P3H2: variants seen among roughly 807,000 people sequenced by gnomAD.
P3H2 encodes prolyl 3-hydroxylase 2.
P3H2 carries 80 observed loss-of-function variants against 87.0 expected under a neutral mutation model. That is an observed-to-expected ratio of 0.92 (90% CI 0.77 to 1.11). P3H2 has a LOEUF of 1.11. P3H2 is among the 50% of genes least tolerant of loss of function. The pLI is 0.00. For synonymous variants in P3H2, 367 were observed against 359.3 expected (o/e 1.02, Z -0.24); for missense variants, 1,001 against 923.9 (o/e 1.08, Z -1.08).
At chr3:190,015,894 CA>C (rs1724737065) in intron 1 of P3H2, among the ~76,000 whole-genome samples, 1 of 152,180 alleles carries the variant, frequency 6.6e-6, no homozygotes, top group East Asian at 1.9e-4. Context: ...AGTTAGGGGA[CA>C]TTTGGGTGGA....
intron 1 of P3H2, among the ~76,000 whole-genome samples, chr3:190,045,946 C>T (rs1230510391): frequency 6.6e-6 from 1 of 151,898 alleles, no homozygotes; most frequent in South Asian, 2.1e-4. Flanking sequence ...ATGGTGAAAC[C>T]CCGTCTCTAA....
At chr3:190,005,835 G>A (rs1577268041) in intron 1 of P3H2, among the ~76,000 whole-genome samples, 1 of 152,188 alleles carries the variant, frequency 6.6e-6, no homozygotes, top group African/African-American at 2.4e-5. Context: ...CTGCAGGTAT[G>A]TCACCCATCA....
chr3:190,007,963 C>CATATATATATATATATATATATATAT (rs1385863469), intron 1 of P3H2, among the ~76,000 whole-genome samples: 2 of 19,936 alleles, frequency 1.0e-4, no homozygotes, highest in African/African-American at 4.2e-4. Context: ...TTTGTTGACA[C>CATATATATATATATATATATATATAT]ACATATATAT....
intron 12 of P3H2, among the ~76,000 whole-genome samples, chr3:189,971,250 T>C (rs988987822): frequency 1.3e-5 from 2 of 152,208 alleles, no homozygotes; most frequent in African/African-American, 4.8e-5. Flanking sequence ...AGGATTTTTG[T>C]TTGTTTGTTT....
intron 1 of P3H2, among the ~76,000 whole-genome samples, chr3:190,077,171 T>G (rs1336762474): frequency 2.0e-5 from 3 of 152,208 alleles, no homozygotes; most frequent in African/African-American, 7.2e-5. Context: ...AAACACAAAT[T>G]CCAGCCCAGT....
intron 1 of P3H2, among the ~76,000 whole-genome samples, chr3:190,017,548 G>T (rs143845463): frequency 6.6e-6 from 1 of 152,150 alleles, no homozygotes; most frequent in Non-Finnish European, 1.5e-5. Flanking sequence ...AATGGGAAAT[G>T]GATTTTAGCA....
chr3:190,008,756 C>G (rs1724473114), intron 1 of P3H2, among the ~76,000 whole-genome samples: 1 of 152,140 alleles, frequency 6.6e-6, no homozygotes, highest in Non-Finnish European at 1.5e-5. Flanking sequence ...TTTACTTCAT[C>G]TTTCCATTCC....
chr3:190,048,844 G>A (rs115796656), intron 1 of P3H2, among the ~76,000 whole-genome samples: 9,141 of 152,184 alleles, frequency 0.06, 444 homozygotes, highest in Admixed American at 0.14. Context: ...ACAGAGACAG[G>A]AAAGGGACTC....
intron 1 of P3H2, among the ~76,000 whole-genome samples, chr3:190,017,028 GA>G (rs1724777198): frequency 1.3e-5 from 2 of 152,204 alleles, no homozygotes; most frequent in Non-Finnish European, 2.9e-5. Context: ...GTTCTTCTAT[GA>G]ATGTTTTTAT....
intron 1 of P3H2, among the ~76,000 whole-genome samples, chr3:190,067,526 A>G (rs1447023184): frequency 1.3e-5 from 2 of 152,120 alleles, no homozygotes; most frequent in East Asian, 1.9e-4. Flanking sequence ...ATTCTATGTT[A>G]TCTCAATTTC....
chr3:189,992,538 T>C (rs1231931190), intron 3 of P3H2, among the ~76,000 whole-genome samples: 1 of 152,230 alleles, frequency 6.6e-6, no homozygotes, highest in Non-Finnish European at 1.5e-5. Context: ...GTGCTCAAAA[T>C]ATTTGTGAAA....
chr3:190,106,405 T>C (rs1249730044), intron 1 of P3H2, among the ~76,000 whole-genome samples: 1 of 152,192 alleles, frequency 6.6e-6, no homozygotes, highest in East Asian at 1.9e-4. Flanking sequence ...CTGTTTTATA[T>C]GTCCCCTAGT....
At chr3:189,983,283 A>G (rs1723594369) in intron 7 of P3H2, 143 bp from the exon 8 acceptor site, 7 of 651,418 alleles carry the variant, frequency 1.1e-5, no homozygotes, top group African/African-American at 1.8e-5. Context: ...AAGTCAAATT[A>G]AATGTCACTG....
In P3H2 at chr3:189,963,484, G is replaced by A. The variant is rs1722876993; in HGVS notation, c.2034+474C>T. The A allele has an allele frequency of 2.3e-5, 4 of 170,822 alleles. 1 individual carries two copies. In the South Asian group the frequency reaches 5.8e-4, roughly 25 times the overall value. 10.6% of individuals were successfully genotyped at this position (170,822 alleles called of 1,614,324 possible). A position where few individuals can be genotyped will look rare whatever the true frequency, so the allele number is the denominator to read the frequency against. Reference sequence around the variant, plus strand: ...TTTTGAGACAGAGTCTTGCCCTGTTGCCCAGGCTGAAGTGCAGTGGTGCGA... The same window carrying A: ...TTTTGAGACAGAGTCTTGCCCTGTTACCCAGGCTGAAGTGCAGTGGTGCGA... On this transcript the variant is annotated intron_variant, in intron 14 of 14. Transcript: ENST00000319332.
At chr3:190,058,285 G>GT (rs896620613) in intron 1 of P3H2, among the ~76,000 whole-genome samples, 2 of 152,120 alleles carry the variant, frequency 1.3e-5, no homozygotes, top group African/African-American at 2.4e-5. Context: ...CCTCTCTCGT[G>GT]TAAGTAGCAT....
intron 13 of P3H2, chr3:189,969,202 T>A (rs1723096940): frequency 2.8e-6 from 2 of 719,248 alleles, no homozygotes; most frequent in Admixed American, 1.8e-5. Context: ...CTTCCAGCAG[T>A]CATAATCTGT....
chr3:190,106,545 C>CTT (rs11440420), intron 1 of P3H2, among the ~76,000 whole-genome samples: 3 of 146,946 alleles, frequency 2.0e-5, no homozygotes, highest in Admixed American at 6.8e-5. Context: ...AAGGAACAAT[C>CTT]TTTTTTTTTT....
chr3:190,002,232 C>G (rs192358977), intron 1 of P3H2, among the ~76,000 whole-genome samples: 2 of 151,826 alleles, frequency 1.3e-5, no homozygotes, highest in East Asian at 3.9e-4. Context: ...TAAGAAAAAA[C>G]AGTTTATATC....
At chr3:189,978,167 C>G (rs1723410442) in intron 8 of P3H2, among the ~76,000 whole-genome samples, 3 of 152,096 alleles carry the variant, frequency 2.0e-5, no homozygotes, top group Admixed American at 2.0e-4. Flanking sequence ...AAATGAAAGA[C>G]AGATGAGAGA....
Sources: allele counts gnomAD v4.1 joint callset (sites outside exome capture counted in the v4.1 genomes callset), GRCh38; gene constraint gnomAD v4.1.1; transcripts MANE v1.5; gene names NCBI Gene and HGNC (gene_info 2026-07-23, HGNC 2026-07-21).